Variants in ICA1L observed in about 807,000 individuals in gnomAD.
The protein encoded by ICA1L is islet cell autoantigen 1 like.
A neutral mutation model predicts 61.3 loss-of-function variants in ICA1L; 50 were observed. That is an observed-to-expected ratio of 0.82 (90% confidence interval 0.65 to 1.03). The LOEUF (loss-of-function observed/expected upper bound fraction) is 1.03, where lower values mean the gene tolerates loss of function less well. Among genes scored for constraint, ICA1L ranks in the 50% least tolerant of loss-of-function variants. The pLI is 0.00. For missense variants in ICA1L, 508 were observed against 556.7 expected (o/e 0.91, Z 0.88); for synonymous variants, 161 against 191.3 (o/e 0.84, Z 1.31).
At chr2:202,827,463 G>C (rs1291467523) in intron 2 of ICA1L, among the ~76,000 whole-genome samples, 1 of 151,400 alleles carries the variant, frequency 6.6e-6, no homozygotes, top group Non-Finnish European at 1.5e-5. Flanking sequence ...TTTTCCATAG[G>C]TCTTTGCAAG....
chr2:202,808,029 T>G lies in ICA1L; in HGVS notation c.910+3717A>C, dbSNP rs1181211253. Among the ~76,000 whole-genome samples the G allele has an allele frequency of 2.6e-5, 4 of 152,146 alleles. No homozygotes were observed. In the East Asian group the frequency reaches 7.7e-4, roughly 29 times the overall value. Reference sequence around the variant, plus strand: ...CCCAGGGCTGTGCCGGCTTCAGGTGTGACCCAGTGCATTCTAAGCTATGGT... The same window carrying G: ...CCCAGGGCTGTGCCGGCTTCAGGTGGGACCCAGTGCATTCTAAGCTATGGT... On this transcript the variant is annotated intron_variant, in intron 9 of 12. Coordinates refer to ENST00000358299, the MANE Select transcript of ICA1L (RefSeq NM_001288622.3).
At chr2:202,852,671 CAAAAAAAAA>C (rs574400027) in intron 1 of ICA1L, among the ~76,000 whole-genome samples, 2 of 42,194 alleles carry the variant, frequency 4.7e-5, no homozygotes, top group African/African-American at 2.7e-4. Context: ...GACTCTGTCT[CAAAAAAAAA>C]AAAAAAAAAA....
chr2:202,785,204 G>A (rs556445855), intron 12 of ICA1L, among the ~76,000 whole-genome samples: 8 of 148,160 alleles, frequency 5.4e-5, no homozygotes, highest in Middle Eastern at 3.5e-3. Flanking sequence ...GGGTGACAGC[G>A]AGACTCTGTC....
rs147027262 is a variant in ICA1L, at chr2:202,815,962, T to C, written c.732A>G (p.Gln244=). The part of the protein sequence containing the change: ...FWKKTARMMS[Q]IHEACIGFHP... ...GAAAGCCAATACAGGCTTCATGAAT[T>C]TGGGACATCATTCGAGCTGTTTTCT... Residue 244 remains glutamine (Q), a synonymous_variant, in exon 7 of 13, where the codon CAA becomes CAG. Coordinates refer to ENST00000358299, the MANE Select transcript of ICA1L (RefSeq NM_001288622.3). 1.0e-5 allele frequency: 16 copies of C among 1,605,294 alleles called. No individual in the cohort carries two copies. The highest frequency in any genetic ancestry group is 1.4e-5 in the Non-Finnish European group (16 of 1,176,684).
At chr2:202,853,755 A>T (rs1694696060) in intron 1 of ICA1L, among the ~76,000 whole-genome samples, 2 of 152,214 alleles carry the variant, frequency 1.3e-5, no homozygotes, top group East Asian at 3.9e-4. Flanking sequence ...GTGAAAGAAA[A>T]GAATTTTCAA....
At chr2:202,820,853 AT>A (rs1693681387) in intron 4 of ICA1L, among the ~76,000 whole-genome samples, 1 of 152,168 alleles carries the variant, frequency 6.6e-6, no homozygotes, top group African/African-American at 2.4e-5. Context: ...AATGCAAAAG[AT>A]TTGGGCTAGG....
At chr2:202,814,421 A>G (rs1230605771) in intron 8 of ICA1L, among the ~76,000 whole-genome samples, 4 of 152,162 alleles carry the variant, frequency 2.6e-5, no homozygotes, top group Non-Finnish European at 5.9e-5. Context: ...CTGCCATGTT[A>G]TGAAGCAGCA....
intron 12 of ICA1L, among the ~76,000 whole-genome samples, chr2:202,783,297 C>T (rs537579872): frequency 1.2e-4 from 19 of 152,234 alleles, no homozygotes; most frequent in Admixed American, 4.6e-4. Flanking sequence ...AAGATACTTA[C>T]GAATTACAAA....
chr2:202,804,145 T>C (rs1693164477), intron 9 of ICA1L, among the ~76,000 whole-genome samples: 1 of 152,200 alleles, frequency 6.6e-6, no homozygotes, highest in Non-Finnish European at 1.5e-5. Flanking sequence ...GTGCTGGACA[T>C]GCTTACAGGC....
At chr2:202,835,031 C>T (rs1227603647) in intron 1 of ICA1L, among the ~76,000 whole-genome samples, 1 of 151,908 alleles carries the variant, frequency 6.6e-6, no homozygotes, top group East Asian at 1.9e-4. Context: ...CAATGTCCCA[C>T]TATGTTGCCC....
chr2:202,787,588 T>A (rs1039496902), intron 11 of ICA1L, among the ~76,000 whole-genome samples: 1 of 152,250 alleles, frequency 6.6e-6, no homozygotes, highest in Non-Finnish European at 1.5e-5. Context: ...ATTTAGTTTA[T>A]TAATTGAGCT....
intron 9 of ICA1L, among the ~76,000 whole-genome samples, chr2:202,798,527 C>T (rs1450668023): frequency 1.3e-5 from 2 of 152,140 alleles, no homozygotes; most frequent in Non-Finnish European, 2.9e-5. Flanking sequence ...AGGTGTGAGC[C>T]ACCATACCTG....
chr2:202,833,959 T>G (rs908118497), intron 1 of ICA1L, among the ~76,000 whole-genome samples: 2 of 152,124 alleles, frequency 1.3e-5, no homozygotes, highest in African/African-American at 4.8e-5. Flanking sequence ...ACACAAAATT[T>G]CAGTTAGGAG....
At chr2:202,797,961 C>CCTACCACTCTACTCT (rs1692981022) in intron 9 of ICA1L, among the ~76,000 whole-genome samples, 1 of 152,186 alleles carries the variant, frequency 6.6e-6, no homozygotes, top group Non-Finnish European at 1.5e-5. Context: ...CCCACAACTA[C>CCTACCACTCTACTCT]CTACCACTCT....
At chr2:202,830,510 T>C (rs1276587590) in intron 1 of ICA1L, among the ~76,000 whole-genome samples, 2 of 152,250 alleles carry the variant, frequency 1.3e-5, no homozygotes, top group African/African-American at 4.8e-5. Context: ...TTTAAGGATA[T>C]GTAAAAAGAA....
chr2:202,840,337 G>T, intron 1 of ICA1L: 3 of 481,228 alleles, frequency 6.2e-6, no homozygotes, highest in South Asian at 4.8e-5. Flanking sequence ...CTGTTCACTT[G>T]GGCAGGACAT....
At chr2:202,781,426 T>G (rs1692400028) in intron 12 of ICA1L, among the ~76,000 whole-genome samples, 1 of 151,074 alleles carries the variant, frequency 6.6e-6, no homozygotes, top group East Asian at 1.9e-4. Context: ...AAAAAAAAAT[T>G]AGCAGGGCGT....
At chr2:202,821,096 T>G (rs1019898522) in intron 4 of ICA1L, among the ~76,000 whole-genome samples, 2 of 152,212 alleles carry the variant, frequency 1.3e-5, no homozygotes, top group African/African-American at 2.4e-5. Context: ...TTGTCTGATT[T>G]TAGGGGAAAT....
intron 11 of ICA1L, among the ~76,000 whole-genome samples, chr2:202,787,535 CTTTTA>C (rs981881756): frequency 1.7e-4 from 26 of 152,298 alleles, no homozygotes; most frequent in African/African-American, 6.0e-4. Context: ...TCTATTCTTT[CTTTTA>C]TTCTATTCAA....
Sources: allele counts gnomAD v4.1 joint callset (sites outside exome capture counted in the v4.1 genomes callset), GRCh38; gene constraint gnomAD v4.1.1; transcripts MANE v1.5; gene names NCBI Gene and HGNC (gene_info 2026-07-23, HGNC 2026-07-21).